The following LOC400499 variants were observed in gnomAD, a reference collection of about 807,000 sequenced individuals.
the LOC400499 span, among the ~76,000 whole-genome samples, chr16:11,484,251 C>T: frequency 1.3e-5 from 2 of 152,040 alleles, no homozygotes; most frequent in African/African-American, 4.8e-5. Flanking sequence ...TCGTGATCCG[C>T]CTGCCTCGGC....
chr16:11,390,425 T>C, the LOC400499 span: 4 of 1,252,282 alleles, frequency 3.2e-6, no homozygotes, highest in Non-Finnish European at 4.0e-6. Context: ...GGCCGCAGTG[T>C]CACCTCCAGG....
the LOC400499 span, among the ~76,000 whole-genome samples, chr16:11,463,643 T>A: frequency 6.6e-6 from 1 of 152,138 alleles, no homozygotes; most frequent in South Asian, 2.1e-4. Context: ...TGTCTACACG[T>A]GGATTGTGTG....
the LOC400499 span, among the ~76,000 whole-genome samples, chr16:11,458,028 C>T: frequency 6.6e-6 from 1 of 152,058 alleles, no homozygotes; most frequent in African/African-American, 2.4e-5. Context: ...ATGGTAAAAC[C>T]CCTGTCTCTA....
At chr16:11,411,928 T>G in the LOC400499 span, among the ~76,000 whole-genome samples, 1 of 151,722 alleles carries the variant, frequency 6.6e-6, no homozygotes, top group Non-Finnish European at 1.5e-5. Context: ...AGTGGTGCCA[T>G]CTCTGCTCAC....
chr16:11,439,579 G>T, the LOC400499 span: 42 of 399,168 alleles, frequency 1.1e-4, no homozygotes, highest in Admixed American at 1.8e-4. Context: ...GCTGGACCGA[G>T]GCCTGTTGCA....
the LOC400499 span, chr16:11,407,220 G>C: frequency 1.0e-5 from 4 of 398,908 alleles, no homozygotes; most frequent in Non-Finnish European, 8.8e-6. Context: ...GTCTGTTCCA[G>C]TTTGATGAAA....
chr16:11,483,016 A>G, the LOC400499 span, among the ~76,000 whole-genome samples: 2 of 152,234 alleles, frequency 1.3e-5, no homozygotes, highest in African/African-American at 4.8e-5. Context: ...TTGAATGTAC[A>G]TTTCACCAAA....
the LOC400499 span, chr16:11,440,748 G>T: frequency 2.5e-6 from 1 of 399,002 alleles, no homozygotes; most frequent in South Asian, 1.3e-4. Context: ...TGTGATTGAC[G>T]GCAGCTCGTG....
chr16:11,411,578 C>A, the LOC400499 span, among the ~76,000 whole-genome samples: 3 of 152,188 alleles, frequency 2.0e-5, no homozygotes, highest in Admixed American at 6.5e-5. Context: ...AGCTCTGGCA[C>A]CAGGAGCAAG....
the LOC400499 span, chr16:11,372,732 T>A: frequency 1.0e-6 from 1 of 983,980 alleles, no homozygotes; most frequent in Non-Finnish European, 1.2e-6. Context: ...ATAGACAAAA[T>A]CTCAAACTGT....
the LOC400499 span, among the ~76,000 whole-genome samples, chr16:11,405,211 T>C: frequency 1.3e-5 from 2 of 152,164 alleles, no homozygotes; most frequent in Admixed American, 6.5e-5. Flanking sequence ...CTTTGCAAGA[T>C]GATACAAGTG....
chr16:11,511,126 A>C, the LOC400499 span, among the ~76,000 whole-genome samples: 1 of 151,718 alleles, frequency 6.6e-6, no homozygotes, highest in Non-Finnish European at 1.5e-5. Flanking sequence ...ACTCTCAAGC[A>C]GCTGGAATTA....
the LOC400499 span, chr16:11,385,442 G>A: frequency 3.3e-6 from 4 of 1,228,550 alleles, no homozygotes; most frequent in Non-Finnish European, 4.1e-6. Context: ...CCAAAGGCAG[G>A]GTGAGCGGGG....
the LOC400499 span, among the ~76,000 whole-genome samples, chr16:11,474,658 G>A: frequency 6.6e-6 from 1 of 150,800 alleles, no homozygotes; most frequent in Non-Finnish European, 1.5e-5. Flanking sequence ...CCAGGAGTTC[G>A]AGACCAGCCT....
chr16:11,459,953 A>T, the LOC400499 span: 1 of 1,511,678 alleles, frequency 6.6e-7, no homozygotes, highest in Middle Eastern at 1.7e-4. Flanking sequence ...TCTGGCTGAC[A>T]CGGAGATGCC....
At chr16:11,404,945 G>C in the LOC400499 span, 1 of 398,486 alleles carries the variant, frequency 2.5e-6, no homozygotes, top group African/African-American at 2.1e-5. Context: ...AGCTTGCAGA[G>C]GAGGAAAAAG....
the LOC400499 span, chr16:11,450,806 C>T: frequency 7.8e-6 from 12 of 1,532,034 alleles, no homozygotes; most frequent in Non-Finnish European, 1.0e-5. Flanking sequence ...CATGGACTAT[C>T]CAGGTTCAAG....
chr16:11,395,727 T>G, the LOC400499 span, among the ~76,000 whole-genome samples: 1 of 152,170 alleles, frequency 6.6e-6, no homozygotes, highest in Non-Finnish European at 1.5e-5. Flanking sequence ...AGACTGAGGC[T>G]CAGCAAACGA....
At chr16:11,416,050 G>A in the LOC400499 span, among the ~76,000 whole-genome samples, 2 of 151,314 alleles carry the variant, frequency 1.3e-5, no homozygotes, top group African/African-American at 4.9e-5. Context: ...CCGCCTCCCA[G>A]GTTCGAGTGA....
Sources: allele counts gnomAD v4.1 joint callset (sites outside exome capture counted in the v4.1 genomes callset), GRCh38; gene constraint gnomAD v4.1.1; transcripts MANE v1.5.